Variants in NAP1L1 observed in about 807,000 individuals in gnomAD.
The protein encoded by NAP1L1 is nucleosome assembly protein 1-like 1.
NAP1L1 carries 9 observed loss-of-function variants against 58.9 expected under a neutral mutation model. The observed-to-expected ratio is 0.15, with a 90% CI of 0.09 to 0.27. NAP1L1 has a LOEUF of 0.27. Among genes scored for constraint, NAP1L1 ranks in the 10% least tolerant of loss-of-function variants. The probability of loss-of-function intolerance (pLI) is 1.00; values close to 1 mark genes in which losing one functional copy is unlikely to be tolerated. For missense variants in NAP1L1, 302 were observed against 458.8 expected, an observed-to-expected ratio of 0.66 and a Z score of 3.12; for synonymous variants, 130 against 138.3, an observed-to-expected ratio of 0.94 and a Z score of 0.42.
At chr12:76,058,195 ATAT>A in intron 6 of NAP1L1, 1 of 6,498 alleles carries the variant, frequency 1.5e-4, no homozygotes, top group Non-Finnish European at 1.0e-3. Flanking sequence ...AGAGGCCTAC[ATAT>A]ATATATATAT....
chr12:76,050,737 G>A (rs1286478393), intron 11 of NAP1L1, 84 bp from the exon 12 acceptor site: 1 of 1,413,790 alleles, frequency 7.1e-7, no homozygotes, highest in Admixed American at 2.4e-5. Context: ...TTAGAGGCTG[G>A]GTGTGATGGC....
At chr12:76,071,940 C>T (rs933714261) in intron 2 of NAP1L1, among the ~76,000 whole-genome samples, 9 of 135,400 alleles carry the variant, frequency 6.6e-5, no homozygotes, top group African/African-American at 1.7e-4. Context: ...CACTGTTCAA[C>T]GATGAATCTG....
At chr12:76,058,386 ACT>A (rs1949235252) in intron 6 of NAP1L1, among the ~76,000 whole-genome samples, 1 of 133,980 alleles carries the variant, frequency 7.5e-6, no homozygotes, top group African/African-American at 2.7e-5. Flanking sequence ...GTTATTTGGT[ACT>A]TTTTTTTTTT....
intron 11 of NAP1L1, among the ~76,000 whole-genome samples, chr12:76,052,266 C>CAAAA (rs546950800): frequency 6.6e-5 from 10 of 150,480 alleles, no homozygotes; most frequent in African/African-American, 2.4e-4. Flanking sequence ...AACAAACAAA[C>CAAAA]AAAAAAAAAC....
chr12:76,046,182 A>G lies in NAP1L1; in HGVS notation c.*2247T>C, dbSNP rs1948604135. 6.6e-6 allele frequency: 1 copy of G among 152,116 alleles called. No individual in the cohort carries two copies. Among genetic ancestry groups the G allele is most frequent in the South Asian group, 2.1e-4 (1 of 4,828 alleles). 9.4% of individuals were successfully genotyped at this position (152,116 alleles called of 1,614,324 possible). The stretch of plus-strand genomic sequence containing the variant: ...AAAATATCACCAGTACATTTTATAA[A>G]ATTAAATCCAAATTTTATTAAGGAT... On this transcript the variant is annotated 3_prime_UTR_variant, in exon 15 of 15. Coordinates refer to ENST00000618691, the MANE Select transcript of NAP1L1 (RefSeq NM_004537.7).
intron 11 of NAP1L1, among the ~76,000 whole-genome samples, chr12:76,052,580 A>G (rs1238173976): frequency 6.6e-6 from 1 of 152,214 alleles, no homozygotes; most frequent in East Asian, 1.9e-4. Flanking sequence ...AGAAAACCAA[A>G]TTCAAAACAT....
Position 76,053,234 on chromosome 12 carries a change from G to C in NAP1L1, c.887C>G (p.Ser296Cys). ...AGGAGGGGCAAAAAAGTTAAAGAAA[G>C]AGTCATTGGAAACTGTTTTAGTCAC... ...RTVTKTVSND[S>C]FFNFFAPPEV... The change falls in exon 10 of 15, where the codon TCT (serine) becomes TGT (cysteine). Residue 296 changes from serine to cysteine, a missense_variant. By Grantham distance (112) the Ser-to-Cys change is moderately radical. Coordinates refer to ENST00000618691, the MANE Select transcript of NAP1L1 (RefSeq NM_004537.7). 6.2e-7 allele frequency: 1 copy of C among 1,613,932 alleles called. No individual in the cohort carries two copies. Among genetic ancestry groups the C allele is most frequent in the South Asian group, 1.1e-5 (1 of 91,052 alleles).
chr12:76,040,606 C>G lies in NAP1L1; in HGVS notation c.*7823G>C, dbSNP rs1433815037. The G allele has an allele frequency of 6.6e-6, 1 of 151,660 alleles. No homozygotes were observed. Among genetic ancestry groups the G allele is most frequent in the Non-Finnish European group, 1.5e-5 (1 of 68,236 alleles). 9.4% of individuals were successfully genotyped at this position (151,660 alleles called of 1,614,324 possible). ...TCTCGGCTCACTGCAACCTCCACCT[C>G]CCGAGTTCAGTCAATTCTTGTGGGC... On this transcript the variant is annotated 3_prime_UTR_variant, in exon 15 of 15. Coordinates refer to ENST00000618691, the MANE Select transcript of NAP1L1 (RefSeq NM_004537.7).
At chr12:76,073,121 T>A (rs1263832238) in intron 2 of NAP1L1, among the ~76,000 whole-genome samples, 2 of 152,136 alleles carry the variant, frequency 1.3e-5, no homozygotes, top group Non-Finnish European at 2.9e-5. Flanking sequence ...TCGTTTTTTT[T>A]AATGCTGAAG....
At chr12:76,054,051 A>C in intron 8 of NAP1L1, 142 bp from the exon 9 acceptor site, 1 of 1,039,980 alleles carries the variant, frequency 9.6e-7, no homozygotes, top group Non-Finnish European at 1.4e-6. Flanking sequence ...TCTTTTTGAG[A>C]CTGAGTCTTG....
intron 11 of NAP1L1, among the ~76,000 whole-genome samples, 186 bp from the exon 12 acceptor site, chr12:76,050,839 C>T (rs143373470): frequency 1.3e-5 from 2 of 151,956 alleles, no homozygotes; most frequent in Admixed American, 6.6e-5. Flanking sequence ...CATAGTGAGA[C>T]GCCCCCTGCG....
intron 14 of NAP1L1, among the ~76,000 whole-genome samples, chr12:76,048,782 T>A (rs1489109547): frequency 2.0e-5 from 3 of 152,104 alleles, no homozygotes; most frequent in Non-Finnish European, 4.4e-5. Flanking sequence ...TATAACAAAT[T>A]CTCAGGAATA....
At position 76,053,266 on chromosome 12, in the gene NAP1L1, A is replaced by T. The variant is rs753481307; in HGVS notation, c.855T>A (p.Val285=). The part of the protein sequence containing the change: ...KKQKHKGRGT[V]RTVTKTVSND... The stretch of plus-strand genomic sequence containing the variant: ...TGGAAACTGTTTTAGTCACAGTACG[A>T]ACTGTCCCACGTCCCTTGTGTTTCT... The change falls in exon 10 of 15, where the codon GTT becomes GTA. Residue 285 remains valine, a synonymous_variant. Coordinates refer to ENST00000618691, the MANE Select transcript of NAP1L1 (RefSeq NM_004537.7). 1.2e-6 allele frequency: 2 copies of T among 1,614,038 alleles called. No homozygotes were observed. Among genetic ancestry groups the T allele is most frequent in the Non-Finnish European group, 1.7e-6 (2 of 1,179,952 alleles).
intron 1 of NAP1L1, among the ~76,000 whole-genome samples, chr12:76,083,228 A>C (rs1449726109): frequency 6.6e-6 from 1 of 152,124 alleles, no homozygotes; most frequent in Non-Finnish European, 1.5e-5. Context: ...TTATACTAAC[A>C]CCTCATTCCA....
intron 1 of NAP1L1, among the ~76,000 whole-genome samples, chr12:76,078,768 A>T (rs1250149263): frequency 1.3e-5 from 2 of 152,236 alleles, no homozygotes; most frequent in Non-Finnish European, 2.9e-5. Context: ...AATATGGCAG[A>T]GCCACAGAAT....
chr12:76,057,508 G>A (rs374091454), intron 6 of NAP1L1: 210 of 693,284 alleles, frequency 3.0e-4, no homozygotes, highest in Admixed American at 2.4e-3. Flanking sequence ...CAGAGCTGGC[G>A]GGGCCTGTGC....
At position 76,042,054 on chromosome 12, in the gene NAP1L1, ATTTT is replaced by A. The variant is rs35835468; in HGVS notation, c.*6371_*6374del. The A allele has an allele frequency of 6.7e-6, 1 of 149,880 alleles. No individual in the cohort carries two copies. Among genetic ancestry groups the A allele is most frequent in the African/African-American group, 2.4e-5 (1 of 40,880 alleles). The allele number at this position is 149,880 out of a possible 1,614,324, so 9.3% of individuals were successfully genotyped here. A position where few individuals can be genotyped will look rare whatever the true frequency, so the allele number is the denominator to read the frequency against. On this transcript the variant is annotated 3_prime_UTR_variant, in exon 15 of 15. Coordinates refer to ENST00000618691, the MANE Select transcript of NAP1L1 (RefSeq NM_004537.7). The stretch of plus-strand genomic sequence containing the variant: ...CCTAGCTCACTTTAGGTTAAGGTCA[ATTTT>A]TTTTTTGTTTTTTACACATAAAATC...
intron 6 of NAP1L1, chr12:76,056,579 ACT>A (rs1390071133): frequency 2.2e-6 from 1 of 455,790 alleles, no homozygotes. Context: ...TTAACACAGC[ACT>A]GAATGTGTGT....
chr12:76,072,682 A>G (rs938869776), intron 2 of NAP1L1, among the ~76,000 whole-genome samples: 1 of 152,218 alleles, frequency 6.6e-6, no homozygotes, highest in African/African-American at 2.4e-5. Flanking sequence ...GTGTAAATGT[A>G]CATATTTCTT....
Sources: allele counts gnomAD v4.1 joint callset (sites outside exome capture counted in the v4.1 genomes callset), GRCh38; gene constraint gnomAD v4.1.1; transcripts MANE v1.5; gene names NCBI Gene and HGNC (gene_info 2026-07-23, HGNC 2026-07-21).